PAGE5: variants seen among roughly 807,000 people sequenced by gnomAD.
PAGE5 encodes the protein P antigen family member 5.
Under a neutral mutation model 8.1 loss-of-function variants are expected in PAGE5, and 8 were observed. The observed-to-expected ratio is 0.98, with a 90% CI of 0.58 to 1.77. The LOEUF (loss-of-function observed/expected upper bound fraction) is 1.77. Among genes scored for constraint, PAGE5 ranks in the 40% most tolerant of loss-of-function variants. The pLI, the probability that PAGE5 is intolerant of heterozygous loss-of-function variation, is 0.00. For missense variants in PAGE5, 64 were observed against 77.6 expected (o/e 0.82, Z 0.66); for synonymous variants, 30 against 27.0 (o/e 1.11, Z -0.35).
At chrX:55,220,735 C>T in intron 1 of PAGE5, 2 of 948,858 alleles carry the variant, frequency 2.1e-6, no homozygotes, top group Middle Eastern at 3.7e-4. Context: ...GTCCCGAAAA[C>T]GCCTGGAACT....
chrX:55,223,826 G>A (rs1180004782), intron 4 of PAGE5, among the ~76,000 whole-genome samples, 161 bp from the exon 5 acceptor site: 1 of 111,768 alleles, frequency 8.9e-6, no homozygotes, highest in African/African-American at 3.2e-5. Flanking sequence ...ATGCCTGGAA[G>A]TCTACCTTCT....
intron 1 of PAGE5, 90 bp downstream of exon 1, chrX:55,220,542 T>C: frequency 8.9e-7 from 1 of 1,122,030 alleles, no homozygotes; most frequent in Non-Finnish European, 1.2e-6. Context: ...CGTGGCACAG[T>C]CCGTGGCTTT....
intron 3 of PAGE5, among the ~76,000 whole-genome samples, chrX:55,222,150 T>A: frequency 8.9e-6 from 1 of 112,376 alleles, no homozygotes; most frequent in South Asian, 3.7e-4. Flanking sequence ...TTCAGCTATT[T>A]TCTGTTTTTT....
At chrX:55,223,550 C>T (rs1329616127) in intron 4 of PAGE5, among the ~76,000 whole-genome samples, 1 of 112,220 alleles carries the variant, frequency 8.9e-6, no homozygotes, top group East Asian at 2.8e-4. Context: ...GTAATACTGA[C>T]TTTTCTATTT....
At chrX:55,221,143 C>T (rs1937885671) in intron 1 of PAGE5, among the ~76,000 whole-genome samples, 1 of 111,120 alleles carries the variant, frequency 9.0e-6, no homozygotes, top group Admixed American at 9.6e-5. Flanking sequence ...TCAGAAAAGT[C>T]CTCTGTCTTT....
At chrX:55,220,716 G>A in intron 1 of PAGE5, 1 of 1,081,409 alleles carries the variant, frequency 9.2e-7, no homozygotes, top group South Asian at 2.1e-5. Flanking sequence ...TGCTGTTAGA[G>A]GTGTCTGAGT....
chrX:55,222,571 G>A (rs772282454), intron 3 of PAGE5, 50 bp from the exon 4 acceptor site: 4 of 1,130,624 alleles, frequency 3.5e-6, no homozygotes, highest in African/African-American at 1.8e-5. Flanking sequence ...TTATTACCTC[G>A]TTCATAGTTC....
At position 55,221,480 on chromosome X, in the gene PAGE5, TTGA is replaced by T. The variant is rs1326162750; in HGVS notation, c.81+20_81+22del. On this transcript the variant is annotated intron_variant, in intron 2 of 4. Transcript: ENST00000374955. ...CCTGTGATTGTGAGTCCTTTAGCATTTGATGTTTTCTATTAACACATTTTATTT... is the reference window on the plus strand; with the variant it reads ...CCTGTGATTGTGAGTCCTTTAGCATTTGTTTTCTATTAACACATTTTATTT... The T allele has an allele frequency of 2.5e-6, 3 of 1,188,785 alleles. No homozygotes were observed. In the Admixed American group the frequency reaches 6.6e-5, roughly 26 times the overall value.
At position 55,221,894 on chromosome X, in the gene PAGE5, A is replaced by C; in HGVS notation, c.190+19A>C. ...GTTCAAGGTGAAGGGAGAGTGGAGAATAATGCTTATGGGTGGTGGAGGTCT... is the reference window on the plus strand; with the variant it reads ...GTTCAAGGTGAAGGGAGAGTGGAGACTAATGCTTATGGGTGGTGGAGGTCT... On this transcript the variant is annotated intron_variant, in intron 3 of 4. Transcript: ENST00000374955. 8.5e-7 allele frequency: 1 copy of C among 1,178,057 alleles called. No individual in the cohort carries two copies. The highest frequency in any genetic ancestry group is 1.1e-6 in the Non-Finnish European group (1 of 871,180).
In PAGE5 at chrX:55,220,428, T is replaced by A; in HGVS notation, c.-33T>A. On this transcript the variant is annotated 5_prime_UTR_variant, in exon 1 of 5. Coordinates refer to ENST00000374955, the MANE Select transcript of PAGE5 (RefSeq NM_001013435.3). ...TTCGTTCTTTCCAACATCTTCGTTC[T>A]TTCTCACTGACCGAGACTCAGCCGG... The A allele has an allele frequency of 2.1e-6, 1 of 483,229 alleles. No homozygotes were observed. Among genetic ancestry groups the A allele is most frequent in the Non-Finnish European group, 3.7e-6 (1 of 270,313 alleles). The allele number at this position is 483,229 out of a possible 1,213,427, so 39.8% of individuals were successfully genotyped here.
chrX:55,222,899 C>G (rs773177242), intron 4 of PAGE5, among the ~76,000 whole-genome samples, 153 bp downstream of exon 4: 1 of 112,288 alleles, frequency 8.9e-6, no homozygotes, highest in Admixed American at 9.5e-5. Context: ...GGCTGCCTTA[C>G]ACACTATCAG....
At position 55,222,674 on chromosome X, in the gene PAGE5, G is replaced by A; in HGVS notation, c.244G>A (p.Ala82Thr). 7.4e-6 allele frequency: 9 copies of A among 1,208,066 alleles called. No homozygotes were observed. The highest frequency in any genetic ancestry group is 1.0e-5 in the Non-Finnish European group (9 of 891,953). ...QELALLKIED[A>T]PGDGPDVREG... Reference sequence around the variant, plus strand: ...ACTGGCTCTGCTTAAGATAGAGGATGCACCTGGAGATGGTCCTGATGTCAG... The same window carrying A: ...ACTGGCTCTGCTTAAGATAGAGGATACACCTGGAGATGGTCCTGATGTCAG... Residue 82 changes from alanine (A) to threonine (T), a missense_variant, in exon 4 of 5, where the codon GCA (alanine) becomes ACA (threonine). Coordinates refer to ENST00000374955, the MANE Select transcript of PAGE5 (RefSeq NM_001013435.3).
chrX:55,222,917 A>G (rs963492015), intron 4 of PAGE5, among the ~76,000 whole-genome samples, 171 bp downstream of exon 4: 1 of 112,278 alleles, frequency 8.9e-6, no homozygotes, highest in Non-Finnish European at 1.9e-5. Flanking sequence ...CAGAGATAGA[A>G]GGCCAGGTGT....
At position 55,223,052 on chromosome X, in the gene PAGE5, A is replaced by C. The variant is rs149316126; in HGVS notation, c.316+306A>C. ...ATTGAGTTACGATATGAAAGATATG[A>C]AACATGCTAAGAGAGTAGATTTTGA... On this transcript the variant is annotated intron_variant, in intron 4 of 4. Transcript: ENST00000374955. 5.6e-3 allele frequency among the ~76,000 whole-genome samples: 629 copies of C among 111,982 alleles called. 11 individuals are homozygous for C. The highest frequency in any genetic ancestry group is 0.019 in the African/African-American group (597 of 30,811).
rs113873604 is a variant in PAGE5 at position 55,220,854 on chromosome X, G to C, written c.-9+402G>C. Among the ~76,000 whole-genome samples, 361 of 111,166 alleles carry C rather than the reference G, an allele frequency of 3.2e-3. 2 individuals carry two copies. Among genetic ancestry groups the C allele is most frequent in the African/African-American group, 0.011 (346 of 30,555 alleles). ...GGGAACGCTGTGGGCTGGTGACTAC[G>C]GCCCCGAGGTCTGTAGAGTGCCTGG... On this transcript the variant is annotated intron_variant, in intron 1 of 4. Transcript: ENST00000374955.
rs369511888 is a variant in PAGE5, at chrX:55,220,658, C to T, written c.-9+206C>T. ...GCTGGAACGAGGGAGGAAGGTAGGC[C>T]GTGGAGGGGGTAGATCGCCTGAAGA... is the stretch of plus-strand genomic sequence containing the variant. On this transcript the variant is annotated intron_variant, in intron 1 of 4. Transcript: ENST00000374955. 2.9e-5 allele frequency: 35 copies of T among 1,194,927 alleles called. No individual in the cohort carries two copies. In the Admixed American group the frequency reaches 3.4e-4, roughly 12 times the overall value.
chrX:55,220,481 A>C lies in PAGE5; in HGVS notation c.-9+29A>C. On this transcript the variant is annotated intron_variant, in intron 1 of 4. Transcript: ENST00000374955. ...GGTCTGCAGAGTGGTCTTCCTGGTA[A>C]TTTAGTTGTGAGTGAATGTGTGGAG... is the stretch of plus-strand genomic sequence containing the variant. 2.2e-5 allele frequency: 15 copies of C among 668,799 alleles called. No homozygotes were observed. In the South Asian group the frequency reaches 3.6e-4, roughly 16 times the overall value. 55.1% of individuals were successfully genotyped at this position (668,799 alleles called of 1,213,427 possible).
At chrX:55,220,779 A>C in intron 1 of PAGE5, 1 of 688,438 alleles carries the variant, frequency 1.5e-6, no homozygotes, top group Non-Finnish European at 2.1e-6. Flanking sequence ...ACTCTTCGTT[A>C]GGGATGCGAG....
intron 1 of PAGE5, among the ~76,000 whole-genome samples, 154 bp from the exon 2 acceptor site, chrX:55,221,221 A>T (rs1270573397): frequency 1.8e-5 from 2 of 111,939 alleles, no homozygotes; most frequent in Non-Finnish European, 3.8e-5. Flanking sequence ...CCTTAGTTTG[A>T]TTGGAAAGCA....
Sources: allele counts gnomAD v4.1 joint callset (sites outside exome capture counted in the v4.1 genomes callset), GRCh38; gene constraint gnomAD v4.1.1; transcripts MANE v1.5; gene names NCBI Gene and HGNC (gene_info 2026-07-23, HGNC 2026-07-21).